The following ITGA8 variants were observed in gnomAD, a reference collection of about 807,000 sequenced individuals.
The protein encoded by ITGA8 is integrin subunit alpha 8, also known as integrin alpha-8.
ITGA8 carries 91 observed loss-of-function variants against 142.3 expected under a neutral mutation model. The ratio of observed to expected loss-of-function variants is 0.64; its 90% CI spans 0.54 to 0.76. The LOEUF is 0.76. Ranked by LOEUF, ITGA8 falls within the 30% of genes least tolerant of loss-of-function variation. ITGA8 has a pLI of 0.00. For missense variants in ITGA8, 1,406 were observed against 1,327.7 expected (o/e 1.06, Z -0.92); for synonymous variants, 505 against 485.2 (o/e 1.04, Z -0.54).
chr10:15,688,127 A>C, intron 2 of ITGA8, 89 bp from the exon 3 acceptor site: 1 of 867,576 alleles, frequency 1.2e-6, no homozygotes, highest in South Asian at 1.4e-5. Flanking sequence ...AAAATACTTG[A>C]ACTAATACCA....
intron 2 of ITGA8, among the ~76,000 whole-genome samples, chr10:15,690,048 A>C (rs531336527): frequency 6.6e-6 from 1 of 151,878 alleles, no homozygotes; most frequent in Non-Finnish European, 1.5e-5. Context: ...TGCTTTGCCC[A>C]CCCTCTCCGG....
chr10:15,575,144 T>C (rs1834260101), intron 24 of ITGA8, among the ~76,000 whole-genome samples: 1 of 152,128 alleles, frequency 6.6e-6, no homozygotes, highest in South Asian at 2.1e-4. Context: ...GTTATAGCAC[T>C]GTGAGTGGCT....
At position 15,716,322 on chromosome 10, in the gene ITGA8, T is replaced by C. The variant is rs1379980897; in HGVS notation, c.343+2444A>G. Among the ~76,000 whole-genome samples the C allele has an allele frequency of 2.6e-5, 4 of 152,228 alleles. No individual in the cohort carries two copies. In the East Asian group the frequency reaches 5.8e-4, roughly 22 times the overall value. ...CATCTATTTATCAAGTAAACCACTA[T>C]ATATTTGGAAGTAAAATAAGACATA... On this transcript the variant is annotated intron_variant, in intron 2 of 29. Transcript: ENST00000378076.
intron 2 of ITGA8, among the ~76,000 whole-genome samples, chr10:15,709,148 G>A (rs1394536661): frequency 6.6e-6 from 1 of 152,210 alleles, no homozygotes; most frequent in Non-Finnish European, 1.5e-5. Flanking sequence ...GTCATAGAAA[G>A]GGAGCAGATG....
At chr10:15,694,185 ATATATATGATAATATAT>A (rs1393235597) in intron 2 of ITGA8, among the ~76,000 whole-genome samples, 1 of 142,196 alleles carries the variant, frequency 7.0e-6, no homozygotes, top group Non-Finnish European at 1.5e-5. Flanking sequence ...ATAATATATC[ATATATATGATAATATAT>A]CATATATATG....
chr10:15,676,975 C>T (rs1385345254), intron 6 of ITGA8, among the ~76,000 whole-genome samples: 1 of 152,134 alleles, frequency 6.6e-6, no homozygotes, highest in Non-Finnish European at 1.5e-5. Flanking sequence ...TGCTATTGCA[C>T]TCCAGCCTGG....
intron 13 of ITGA8, 92 bp downstream of exon 13, chr10:15,643,938 G>T: frequency 8.7e-7 from 1 of 1,143,370 alleles, no homozygotes; most frequent in Non-Finnish European, 1.2e-6. Context: ...CTCATCTGTA[G>T]AAGAAAACTG....
chr10:15,708,377 G>T (rs551124505), intron 2 of ITGA8, among the ~76,000 whole-genome samples: 1 of 152,176 alleles, frequency 6.6e-6, no homozygotes, highest in South Asian at 2.1e-4. Context: ...GAAATGAAAA[G>T]AAAAGAGAAA....
At chr10:15,569,276 C>T (rs1056413369) in intron 25 of ITGA8, among the ~76,000 whole-genome samples, 7 of 152,132 alleles carry the variant, frequency 4.6e-5, no homozygotes, top group Non-Finnish European at 8.8e-5. Flanking sequence ...TACAGGCCCA[C>T]GGTGGCCTGG....
At chr10:15,672,079 T>C (rs1487723055) in intron 7 of ITGA8, among the ~76,000 whole-genome samples, 1 of 152,198 alleles carries the variant, frequency 6.6e-6, no homozygotes, top group African/African-American at 2.4e-5. Flanking sequence ...ACCTACTTCC[T>C]AATACCTCAT....
intron 23 of ITGA8, among the ~76,000 whole-genome samples, chr10:15,586,049 A>ATTTTTTTTTTTTT (rs59435924): frequency 3.9e-5 from 3 of 76,808 alleles, no homozygotes; most frequent in African/African-American, 1.6e-4. Flanking sequence ...GAATAAAGTG[A>ATTTTTTTTTTTTT]TTTTTTTTTT....
chr10:15,671,717 AG>A (rs1405156931), intron 7 of ITGA8, 70 bp from the exon 8 acceptor site: 20 of 1,195,246 alleles, frequency 1.7e-5, no homozygotes, highest in Non-Finnish European at 2.4e-5. Context: ...ATCTAGAAAA[AG>A]GTGAAAGGGC....
intron 13 of ITGA8, among the ~76,000 whole-genome samples, chr10:15,622,467 T>C (rs1055926744): frequency 6.6e-6 from 1 of 152,176 alleles, no homozygotes; most frequent in African/African-American, 2.4e-5. Context: ...GTCTATCTTA[T>C]AGTTGTATAA....
chr10:15,650,214 ACT>A (rs759988765), intron 11 of ITGA8, among the ~76,000 whole-genome samples: 66 of 152,122 alleles, frequency 4.3e-4, no homozygotes, highest in Non-Finnish European at 8.5e-4. Flanking sequence ...ACTGCATGAC[ACT>A]CTGGAAAAGA....
At chr10:15,620,488 C>A (rs544630300) in intron 13 of ITGA8, among the ~76,000 whole-genome samples, 2 of 152,228 alleles carry the variant, frequency 1.3e-5, no homozygotes, top group Non-Finnish European at 2.9e-5. Flanking sequence ...ATTTTTTCTA[C>A]TCTGGAAAAA....
intron 14 of ITGA8, 54 bp downstream of exon 14, chr10:15,616,460 A>G: frequency 7.5e-7 from 1 of 1,340,584 alleles, no homozygotes. Flanking sequence ...AGAACTAACA[A>G]GAAAATGTAT....
chr10:15,563,043 G>T (rs185111520), intron 25 of ITGA8, among the ~76,000 whole-genome samples: 19 of 152,130 alleles, frequency 1.2e-4, no homozygotes, highest in African/African-American at 4.3e-4. Flanking sequence ...AAAGTGTGTG[G>T]CACTCCCTGC....
chr10:15,706,627 A>G (rs1192711663), intron 2 of ITGA8, among the ~76,000 whole-genome samples: 2 of 151,984 alleles, frequency 1.3e-5, no homozygotes, highest in African/African-American at 4.8e-5. Context: ...TTTTGTAGAG[A>G]TAGGATCTTG....
chr10:15,567,859 T>C (rs954675003), intron 25 of ITGA8, among the ~76,000 whole-genome samples: 10 of 152,112 alleles, frequency 6.6e-5, no homozygotes, highest in African/African-American at 2.4e-4. Flanking sequence ...GGGTTGAAAG[T>C]GTCAACAAAC....
Sources: gnomAD v4.1 joint callset for allele counts (sites outside exome capture counted in the v4.1 genomes callset) on GRCh38, gnomAD v4.1.1 for gene constraint, MANE v1.5 for transcripts, NCBI Gene and HGNC (gene_info 2026-07-23, HGNC 2026-07-21) for gene names.